Variants in CDK18 observed in about 807,000 individuals in gnomAD.
CDK18 encodes cyclin-dependent kinase 18.
CDK18 carries 52 observed loss-of-function variants against 62.0 expected under a neutral mutation model. That is an observed-to-expected ratio of 0.84 (90% CI 0.67 to 1.06). The LOEUF is 1.06. Ranked by LOEUF, CDK18 falls within the 50% of genes least tolerant of loss-of-function variation. The pLI is 0.00. For synonymous variants in CDK18, 237 were observed against 247.0 expected (o/e 0.96, Z 0.38); for missense variants, 604 against 619.9 (o/e 0.97, Z 0.27).
chr1:205,520,340 G>A (rs896716788), intron 1 of CDK18, among the ~76,000 whole-genome samples: 1 of 152,202 alleles, frequency 6.6e-6, no homozygotes, highest in Non-Finnish European at 1.5e-5. Context: ...CAGAATCTCA[G>A]GGTGAGACCT....
At position 205,529,413 on chromosome 1, in the gene CDK18, A is replaced by T; in HGVS notation, c.1162A>T (p.Ile388Phe). 1 of 1,613,886 alleles carries T rather than the reference A, an allele frequency of 6.2e-7. No individual in the cohort carries two copies. The highest frequency in any genetic ancestry group is 8.5e-7 in the Non-Finnish European group (1 of 1,179,902). ...CCCCTGCTACCTCCCGCAGCCGCTC[A>T]TCAACCACGCGCCCAGGTAGCCCCT... ...SFPCYLPQPL[I>F]NHAPRLDTDG... The change falls in exon 12 of 16, where the codon ATC becomes TTC. Residue 388 changes from isoleucine (I) to phenylalanine (F), a missense_variant. Transcript: ENST00000429964.
intron 1 of CDK18, among the ~76,000 whole-genome samples, chr1:205,510,095 AT>A (rs1405838093): frequency 1.3e-5 from 2 of 150,962 alleles, no homozygotes; most frequent in African/African-American, 4.9e-5. Context: ...AAAAAAAAAA[AT>A]TTCTACCCTC....
In CDK18 at chr1:205,528,277, G is replaced by T; in HGVS notation, c.974+109G>T. 7.6e-7 allele frequency: 1 copy of T among 1,323,796 alleles called. No individual in the cohort carries two copies. The highest frequency in any genetic ancestry group is 1.0e-6 in the Non-Finnish European group (1 of 958,888). 82.0% of individuals were successfully genotyped at this position (1,323,796 alleles called of 1,614,324 possible). A position where few individuals can be genotyped will look rare whatever the true frequency, so the allele number is the denominator to read the frequency against. Reference sequence around the variant, plus strand: ...GGGGAAGAACTGCCTAACTTCCTTTGCCTAAAAGCCTTGTGACATCCTGCT... The same window carrying T: ...GGGGAAGAACTGCCTAACTTCCTTTTCCTAAAAGCCTTGTGACATCCTGCT... On this transcript the variant is annotated intron_variant, in intron 10 of 15. Coordinates refer to ENST00000429964, the MANE Select transcript of CDK18 (RefSeq NM_212502.3). This position sits in a 1 kb window ranked among gnomAD's most constrained non-coding sequence, Gnocchi z 4.2.
At chr1:205,512,018 CACTCCAGCCTGGGTG>C (rs1395198204) in intron 1 of CDK18, among the ~76,000 whole-genome samples, 1 of 152,200 alleles carries the variant, frequency 6.6e-6, no homozygotes, top group Non-Finnish European at 1.5e-5. Context: ...CACGCCACTG[CACTCCAGCCTGGGTG>C]ACTCCGTCTC....
At position 205,528,893 on chromosome 1, in the gene CDK18, T is replaced by C. The variant is rs7531230; in HGVS notation, c.975-106T>C. On this transcript the variant is annotated intron_variant, in intron 10 of 15. Transcript: ENST00000429964. This position sits in a 1 kb window ranked among gnomAD's most constrained non-coding sequence, Gnocchi z 4.2. ...CACCCCTCCGCCGCCAGAGCCACGA[T>C]CCCTGCAGCCGCCTGTGGCAGGTCG... 437,266 of 713,788 alleles carry C rather than the reference T, an allele frequency of 0.61. 135,488 individuals are homozygous for C. The highest frequency in any genetic ancestry group is 0.73 in the Admixed American group (28,297 of 38,848). 44.2% of individuals were successfully genotyped at this position (713,788 alleles called of 1,614,324 possible).
chr1:205,526,452 T>A lies in CDK18; in HGVS notation c.657T>A (p.Phe219Leu). 6.2e-7 allele frequency: 1 copy of A among 1,613,016 alleles called. No homozygotes were observed. The highest frequency in any genetic ancestry group is 8.5e-7 in the Non-Finnish European group (1 of 1,179,054). Residue 219 changes from phenylalanine (F) to leucine (L), a missense_variant, in exon 7 of 16, where the codon TTT becomes TTA. Phe to Leu is a conservative substitution (Grantham distance 22). Coordinates refer to ENST00000429964, the MANE Select transcript of CDK18 (RefSeq NM_212502.3). ...CAGATCGGTCCCTCACCCTGGTGTT[T>A]GAGTACCTGGTGAGAGTCCGGCTGG... ...IHTDRSLTLV[F>L]EYLDSDLKQY... is the part of the protein sequence containing the mutation.
chr1:205,505,666 G>T (rs1397566819), intron 1 of CDK18, among the ~76,000 whole-genome samples: 1 of 152,200 alleles, frequency 6.6e-6, no homozygotes, highest in African/African-American at 2.4e-5. Context: ...CGCCCTGTGG[G>T]GGGCGGGGAT....
Position 205,516,056 on chromosome 1 carries a change from C to A in CDK18, c.-21-7091C>A, listed in dbSNP as rs187778249. 2.0e-5 allele frequency among the ~76,000 whole-genome samples: 3 copies of A among 152,246 alleles called. No homozygotes were observed. The East Asian group carries it at 5.8e-4, about 29-fold the overall frequency. ...GCCCCAAGGCTTCTGCTGCTGACGC[C>A]GCCACAGCTCCAGGCAGCTAAGGGG... On this transcript the variant is annotated intron_variant, in intron 1 of 15. Coordinates refer to ENST00000429964, the MANE Select transcript of CDK18 (RefSeq NM_212502.3). This position sits in a 1 kb window ranked among gnomAD's most constrained non-coding sequence, Gnocchi z 4.8.
intron 7 of CDK18, 154 bp from the exon 8 acceptor site, chr1:205,526,621 A>G (rs1668444390): frequency 2.1e-6 from 2 of 945,066 alleles, no homozygotes; most frequent in Non-Finnish European, 3.5e-6. Flanking sequence ...GGAGTGGGCC[A>G]AGAGCTCAGG....
rs1207985705 is a variant in CDK18 at position 205,527,754 on chromosome 1, G to A, written c.730-40G>A. On this transcript the variant is annotated intron_variant, in intron 8 of 15. Transcript: ENST00000429964. This position sits in a 1 kb window ranked among gnomAD's most constrained non-coding sequence, Gnocchi z 4.1. ...TCCCAGCCTTGGAGCAGAGGCTCAG[G>A]GCCACCTTCCACCCCACATTTCTCT... 1 of 1,607,642 alleles carries A rather than the reference G, an allele frequency of 6.2e-7. No individual in the cohort carries two copies. The highest frequency in any genetic ancestry group is 1.7e-5 in the Admixed American group (1 of 59,796).
chr1:205,507,479 A>T (rs1481432185), intron 1 of CDK18, among the ~76,000 whole-genome samples: 3 of 151,494 alleles, frequency 2.0e-5, no homozygotes, highest in Admixed American at 6.6e-5. Context: ...AAAAAAAAAA[A>T]AAAGCACAAA....
intron 1 of CDK18, among the ~76,000 whole-genome samples, chr1:205,520,117 G>A (rs1181760166): frequency 3.3e-5 from 5 of 151,806 alleles, no homozygotes; most frequent in African/African-American, 1.2e-4. Context: ...TTCCAGGACA[G>A]AGAGACTTCC....
Position 205,526,778 on chromosome 1 carries a change from A to G in CDK18, c.670A>G (p.Ser224Gly). The change falls in exon 8 of 16, where the codon AGT becomes GGT. Residue 224 changes from serine (S) to glycine (G), a missense_variant. Coordinates refer to ENST00000429964, the MANE Select transcript of CDK18 (RefSeq NM_212502.3). ...TGAGCCACGCTCTGTGTTCCAGGAC[A>G]GTGACCTGAAGCAGTATCTGGACCA... is the stretch of plus-strand genomic sequence containing the variant. ...SLTLVFEYLD[S>G]DLKQYLDHCG... 5 of 1,613,966 alleles carry G rather than the reference A, an allele frequency of 3.1e-6. No individual in the cohort carries two copies. Among genetic ancestry groups the G allele is most frequent in the Non-Finnish European group, 3.4e-6 (4 of 1,179,814 alleles).
rs746737617 is a variant in CDK18 at position 205,523,294 on chromosome 1, G to C, written c.127G>C (p.Glu43Gln). 6.2e-7 allele frequency: 1 copy of C among 1,614,108 alleles called. No homozygotes were observed. Among genetic ancestry groups the C allele is most frequent in the Non-Finnish European group, 8.5e-7 (1 of 1,180,000 alleles). The change falls in exon 2 of 16, where the codon GAG (glutamate) becomes CAG (glutamine). Residue 43 changes from glutamate (E) to glutamine (Q), a missense_variant. Glu to Gln is a conservative substitution (Grantham distance 29, BLOSUM62 2). Transcript: ENST00000429964. ...CAACCAGCTCCACAACCGGCGGAATGAGAGTGAGGGGTCTGGGCCCACCCA... is the reference window on the plus strand; with the variant it reads ...CAACCAGCTCCACAACCGGCGGAATCAGAGTGAGGGGTCTGGGCCCACCCA... Reference protein sequence around the residue: ...QFNQLHNRRNENLQLGPLGRD... With the variant: ...QFNQLHNRRNQNLQLGPLGRD...
intron 1 of CDK18, among the ~76,000 whole-genome samples, chr1:205,509,181 C>T (rs1051795792): frequency 9.9e-5 from 15 of 152,152 alleles, no homozygotes; most frequent in African/African-American, 3.6e-4. Context: ...AGCTCCCTGA[C>T]AGCATGAGTA....
At chr1:205,529,682 C>T (rs1333569249) in intron 13 of CDK18, 119 bp downstream of exon 13, 3 of 1,562,696 alleles carry the variant, frequency 1.9e-6, no homozygotes, top group East Asian at 2.4e-5. Flanking sequence ...TTTGAAACAT[C>T]TCCCCTGTAC....
In CDK18 at chr1:205,531,606, G is replaced by A; in HGVS notation, c.*228G>A. ...CAACCCCTCCTTTACCCACGTTGGG[G>A]CTGGCATAAGCTGCTTCCCTGAGAG... On this transcript the variant is annotated 3_prime_UTR_variant, in exon 16 of 16. Transcript: ENST00000429964. 1 of 551,282 alleles carries A rather than the reference G, an allele frequency of 1.8e-6. No individual in the cohort carries two copies. The highest frequency in any genetic ancestry group is 3.3e-6 in the Non-Finnish European group (1 of 300,902). 34.1% of individuals were successfully genotyped at this position (551,282 alleles called of 1,614,324 possible).
At chr1:205,509,710 T>G (rs1284814393) in intron 1 of CDK18, among the ~76,000 whole-genome samples, 1 of 152,154 alleles carries the variant, frequency 6.6e-6, no homozygotes, top group African/African-American at 2.4e-5. Context: ...TGGCCCCACT[T>G]GATATTTTTT....
intron 1 of CDK18, among the ~76,000 whole-genome samples, chr1:205,513,931 T>C (rs1409894702): frequency 6.6e-6 from 1 of 152,212 alleles, no homozygotes; most frequent in African/African-American, 2.4e-5. Context: ...CCCGCTGCTG[T>C]TGGGCCACAT....
Sources: gnomAD v4.1 joint callset for allele counts (sites outside exome capture counted in the v4.1 genomes callset) on GRCh38, gnomAD v4.1.1 for gene constraint, Gnocchi (gnomAD v3.1) non-coding constraint, MANE v1.5 for transcripts, NCBI Gene and HGNC (gene_info 2026-07-23, HGNC 2026-07-21) for gene names.